Variants in NARS2 observed in about 807,000 individuals in gnomAD.
NARS2 encodes the protein asparaginyl-tRNA synthetase.
In NARS2, 60 loss-of-function variants were observed where a neutral mutation model predicts 62.9. The ratio of observed to expected loss-of-function variants is 0.95; its 90% CI spans 0.77 to 1.18. The LOEUF (loss-of-function observed/expected upper bound fraction) is 1.18, where lower values mean the gene tolerates loss of function less well. Among genes scored for constraint, NARS2 ranks in the 50% most tolerant of loss-of-function variants. The probability of loss-of-function intolerance (pLI) is 0.00; values close to 1 mark genes in which losing one functional copy is unlikely to be tolerated. For synonymous variants in NARS2, 196 were observed against 200.0 expected (o/e 0.98, Z 0.17); for missense variants, 619 against 576.4 (o/e 1.07, Z -0.76).
intron 11 of NARS2, among the ~76,000 whole-genome samples, chr11:78,461,144 G>A (rs1165467624): frequency 1.3e-5 from 2 of 152,096 alleles, no homozygotes; most frequent in Non-Finnish European, 2.9e-5. Flanking sequence ...GGATACTGAG[G>A]GACGAATGTA....
At chr11:78,502,535 G>A (rs559060787) in intron 6 of NARS2, among the ~76,000 whole-genome samples, 5 of 152,298 alleles carry the variant, frequency 3.3e-5, no homozygotes, top group African/African-American at 4.8e-5. Flanking sequence ...GAATCCTAGG[G>A]GAGAGGCAAT....
chr11:78,451,905 T>C (rs1359994944), intron 11 of NARS2, among the ~76,000 whole-genome samples: 2 of 151,894 alleles, frequency 1.3e-5, no homozygotes, highest in Non-Finnish European at 2.9e-5. Flanking sequence ...TTTCTGCCCA[T>C]TTGGCTGTTG....
chr11:78,512,403 G>A (rs923104956), intron 6 of NARS2, among the ~76,000 whole-genome samples: 1 of 152,140 alleles, frequency 6.6e-6, no homozygotes, highest in Non-Finnish European at 1.5e-5. Context: ...ATTCACCCAA[G>A]GTTCTCCAGG....
intron 6 of NARS2, among the ~76,000 whole-genome samples, chr11:78,514,508 C>G (rs573049606): frequency 6.6e-6 from 1 of 152,338 alleles, no homozygotes; most frequent in South Asian, 2.1e-4. Context: ...TCAACAGGCA[C>G]AGCATTTCAG....
At chr11:78,572,847 T>C (rs1385360434) in intron 1 of NARS2, among the ~76,000 whole-genome samples, 1 of 152,212 alleles carries the variant, frequency 6.6e-6, no homozygotes, top group African/African-American at 2.4e-5. Context: ...TTGAGATATT[T>C]TGCATTCTTT....
intron 6 of NARS2, among the ~76,000 whole-genome samples, chr11:78,496,518 C>T (rs1860064758): frequency 6.6e-6 from 1 of 152,136 alleles, no homozygotes; most frequent in Admixed American, 6.5e-5. Context: ...CTCAAATCCA[C>T]ATTTCTGACT....
intron 5 of NARS2, among the ~76,000 whole-genome samples, chr11:78,542,500 T>G (rs751547736): frequency 2.6e-5 from 4 of 152,068 alleles, no homozygotes; most frequent in Non-Finnish European, 5.9e-5. Context: ...GCTTTAAGGA[T>G]GAATATGATA....
intron 7 of NARS2, among the ~76,000 whole-genome samples, chr11:78,479,535 A>G (rs897021328): frequency 6.6e-6 from 1 of 152,152 alleles, no homozygotes; most frequent in Admixed American, 6.5e-5. Context: ...AAAGTATTCT[A>G]CCATGGGTGC....
At position 78,451,952 on chromosome 11, in the gene NARS2, C is replaced by T. The variant is rs184252674; in HGVS notation, c.1165-8194G>A. ...CTCCAAATAGCCGGACTCTAGAGCA[C>T]ATCTTAAGCAAGCTGGAGCACATCA... On this transcript the variant is annotated intron_variant, in intron 11 of 13. Transcript: ENST00000281038. 5.2e-3 allele frequency among the ~76,000 whole-genome samples: 787 copies of T among 152,252 alleles called. 5 individuals are homozygous for T. The highest frequency in any genetic ancestry group is 0.018 in the African/African-American group (761 of 41,538).
At chr11:78,461,360 G>C (rs1858387722) in intron 11 of NARS2, among the ~76,000 whole-genome samples, 1 of 152,038 alleles carries the variant, frequency 6.6e-6, no homozygotes, top group African/African-American at 2.4e-5. Flanking sequence ...GCTGAGAAAG[G>C]AGAAAAACAG....
chr11:78,504,944 C>G (rs751782044), intron 6 of NARS2, among the ~76,000 whole-genome samples: 16 of 151,980 alleles, frequency 1.1e-4, no homozygotes, highest in African/African-American at 1.7e-4. Context: ...GCTCTGCCCC[C>G]AGAACTGCAC....
At position 78,528,849 on chromosome 11, in the gene NARS2, T is replaced by C; in HGVS notation, c.682A>G (p.Met228Val). The C allele has an allele frequency of 6.2e-7, 1 of 1,603,696 alleles. No individual in the cohort carries two copies. The highest frequency in any genetic ancestry group is 8.5e-7 in the Non-Finnish European group (1 of 1,171,544). ...TVSGQLHLEV[M>V]SGAFTQVFTF... is the part of the protein sequence containing the mutation. ...GAAAGGAAAATTTCATACCCTGACA[T>C]CACTTCTAGATGAAGTTGTCCTGAG... is the stretch of plus-strand genomic sequence containing the variant. The change falls in exon 6 of 14, where the codon ATG becomes GTG. Residue 228 changes from methionine to valine, a missense_variant. Physicochemically the swap from Met to Val is conservative, Grantham distance 21 (BLOSUM62 1). Transcript: ENST00000281038.
chr11:78,535,679 G>C (rs1420374443), intron 5 of NARS2, among the ~76,000 whole-genome samples: 3 of 151,036 alleles, frequency 2.0e-5, no homozygotes, highest in African/African-American at 4.9e-5. Flanking sequence ...GCCGAGGCTG[G>C]AGTGCAATGG....
intron 5 of NARS2, among the ~76,000 whole-genome samples, chr11:78,547,109 C>T (rs115351431): frequency 0.011 from 1,643 of 151,942 alleles, 36 homozygotes; most frequent in African/African-American, 0.039. Flanking sequence ...GGGGGGAGGA[C>T]TGCTTGAGCC....
chr11:78,461,077 G>A (rs1318466285), intron 11 of NARS2, among the ~76,000 whole-genome samples: 1 of 152,112 alleles, frequency 6.6e-6, no homozygotes, highest in Non-Finnish European at 1.5e-5. Flanking sequence ...TAGTATCCTC[G>A]AATTTTGCTA....
intron 11 of NARS2, among the ~76,000 whole-genome samples, chr11:78,456,285 T>C (rs1162144591): frequency 6.6e-6 from 1 of 152,208 alleles, no homozygotes; most frequent in East Asian, 1.9e-4. Context: ...GAAGTCTGTA[T>C]CACACACATA....
At chr11:78,522,605 A>G (rs1055638050) in intron 6 of NARS2, among the ~76,000 whole-genome samples, 2 of 152,182 alleles carry the variant, frequency 1.3e-5, no homozygotes, top group Non-Finnish European at 2.9e-5. Context: ...AAAGGTGTTT[A>G]GGAAAAAAAA....
chr11:78,518,232 G>A (rs188643204), intron 6 of NARS2, among the ~76,000 whole-genome samples: 7 of 152,290 alleles, frequency 4.6e-5, no homozygotes, highest in African/African-American at 1.2e-4. Flanking sequence ...ATATATGGGA[G>A]GATGTGCATA....
At chr11:78,466,275 C>T (rs1009745672) in intron 10 of NARS2, among the ~76,000 whole-genome samples, 2 of 148,466 alleles carry the variant, frequency 1.3e-5, no homozygotes, top group African/African-American at 5.0e-5. Context: ...CCCACCCCCA[C>T]CCCCCAGGAG....
Sources: allele counts gnomAD v4.1 joint callset (sites outside exome capture counted in the v4.1 genomes callset), GRCh38; gene constraint gnomAD v4.1.1; transcripts MANE v1.5; gene names NCBI Gene and HGNC (gene_info 2026-07-23, HGNC 2026-07-21).